Variants in ACSL4 observed in about 807,000 individuals in gnomAD.
ACSL4 encodes the protein long-chain-fatty-acid--CoA ligase 4.
ACSL4 carries 9 observed loss-of-function variants against 49.1 expected under a neutral mutation model. The ratio of observed to expected loss-of-function variants is 0.18; its 90% confidence interval spans 0.11 to 0.32. ACSL4 has a LOEUF of 0.32. Among genes scored for constraint, ACSL4 ranks in the 10% least tolerant of loss-of-function variants. ACSL4 has a pLI of 1.00. For missense variants in ACSL4, 333 were observed against 493.7 expected, an observed-to-expected ratio of 0.67 and a Z score of 3.08; for synonymous variants, 191 against 170.3, an observed-to-expected ratio of 1.12 and a Z score of -0.95.
At position 109,674,437 on chromosome X, in the gene ACSL4, T is replaced by C; in HGVS notation, c.967A>G (p.Thr323Ala). ...GCCATAAGTGTGGGCTTCAGTACAGTACAGTCTCCTTTGCTTCCTTTTTTA... is the reference window on the plus strand; with the variant it reads ...GCCATAAGTGTGGGCTTCAGTACAGCACAGTCTCCTTTGCTTCCTTTTTTA... ...KIKKGSKGDC[T>A]VLKPTLMAAV... The change falls in exon 9 of 16, where the codon ACT (threonine) becomes GCT (alanine). Residue 323 changes from threonine (T) to alanine (A), a missense_variant. Physicochemically the swap from Thr to Ala is moderately conservative, Grantham distance 58. Around this residue, in one of 3 missense-constraint regions of ACSL4, gnomAD observed 175 missense variants for 275.8 expected, o/e 0.63. Transcript: ENST00000672401. 8.3e-7 allele frequency: 1 copy of C among 1,208,410 alleles called. No individual in the cohort carries two copies. The highest frequency in any genetic ancestry group is 1.7e-5 in the African/African-American group (1 of 57,858).
At chrX:109,714,853 T>TG (rs1217998815) in intron 1 of ACSL4, among the ~76,000 whole-genome samples, 2 of 112,241 alleles carry the variant, frequency 1.8e-5, no homozygotes. Context: ...TCTCAGAACA[T>TG]GTCCCTGTCA....
intron 1 of ACSL4, among the ~76,000 whole-genome samples, chrX:109,719,707 C>T (rs1011634242): frequency 3.0e-4 from 34 of 112,208 alleles, no homozygotes; most frequent in African/African-American, 9.7e-4. Context: ...TACTTTCCGC[C>T]GGGCGTGGTG....
intron 3 of ACSL4, 53 bp downstream of exon 3, chrX:109,683,083 A>AC: frequency 8.7e-7 from 1 of 1,153,658 alleles, no homozygotes; most frequent in Non-Finnish European, 1.2e-6. Context: ...TTATGATAAA[A>AC]CAAATGTGTC....
chrX:109,645,810 T>A (rs774589082), intron 15 of ACSL4, among the ~76,000 whole-genome samples: 6 of 111,456 alleles, frequency 5.4e-5, no homozygotes, highest in African/African-American at 2.0e-4. Context: ...GAATAACCAA[T>A]ACAGAGAAGT....
intron 1 of ACSL4, among the ~76,000 whole-genome samples, chrX:109,708,456 G>T (rs775367494): frequency 8.9e-6 from 1 of 112,204 alleles, no homozygotes. Flanking sequence ...ACTGTAAAAG[G>T]AGCTAAAAGT....
chrX:109,673,888 T>A (rs185592180), intron 9 of ACSL4, among the ~76,000 whole-genome samples: 3 of 111,578 alleles, frequency 2.7e-5, no homozygotes, highest in Non-Finnish European at 5.6e-5. Flanking sequence ...TCTTTTTTTT[T>A]TAAGGCAGTA....
chrX:109,644,033 T>C lies in ACSL4; in HGVS notation c.2009A>G (p.Lys670Arg). 1 of 1,211,530 alleles carries C rather than the reference T, an allele frequency of 8.3e-7. No individual in the cohort carries two copies. The highest frequency in any genetic ancestry group is 3.0e-5 in the East Asian group (1 of 33,843). ...LKDIERMYGG[K>R] ...TGTCAATAAGACAACAACATTTTATTTGCCCCCATACATTCGTTCAATGTC... is the reference window on the plus strand; with the variant it reads ...TGTCAATAAGACAACAACATTTTATCTGCCCCCATACATTCGTTCAATGTC... Residue 670 changes from lysine (K) to arginine (R), a missense_variant, in exon 16 of 16, where the codon AAA becomes AGA. By Grantham distance (26) the Lys-to-Arg change is conservative. Transcript: ENST00000672401.
At chrX:109,681,545 TG>T (rs765260403) in intron 4 of ACSL4, among the ~76,000 whole-genome samples, 170 bp from the exon 5 acceptor site, 41 of 112,216 alleles carry the variant, frequency 3.7e-4, no homozygotes, top group Middle Eastern at 9.2e-3. Flanking sequence ...TCAAACTCCC[TG>T]GGAGCCCAAA....
intron 2 of ACSL4, among the ~76,000 whole-genome samples, chrX:109,685,110 T>TTTGG: frequency 9.9e-6 from 1 of 100,619 alleles, no homozygotes; most frequent in East Asian, 3.1e-4. Context: ...TTTTTTTTTT[T>TTTGG]GAGACAAGGT....
At chrX:109,726,478 G>T (rs1928003682) in intron 1 of ACSL4, among the ~76,000 whole-genome samples, 1 of 111,659 alleles carries the variant, frequency 9.0e-6, no homozygotes, top group Non-Finnish European at 1.9e-5. Context: ...AACATATACA[G>T]GTTTAGTAGT....
chrX:109,711,398 A>G (rs950066337), intron 1 of ACSL4, among the ~76,000 whole-genome samples: 2 of 112,052 alleles, frequency 1.8e-5, no homozygotes, highest in African/African-American at 6.5e-5. Flanking sequence ...CAGCCAGATG[A>G]CCTGGGTTCA....
chrX:109,703,118 G>A (rs1926091920), intron 1 of ACSL4, among the ~76,000 whole-genome samples: 1 of 111,775 alleles, frequency 8.9e-6, no homozygotes, highest in South Asian at 3.7e-4. Context: ...TTACTTCATT[G>A]CAAAGGGGAA....
At chrX:109,655,338 AG>A (rs1460913031) in intron 15 of ACSL4, among the ~76,000 whole-genome samples, 4 of 111,534 alleles carry the variant, frequency 3.6e-5, no homozygotes, top group Non-Finnish European at 7.5e-5. Flanking sequence ...AAAGAGCAAC[AG>A]GGTGCTATTA....
intron 1 of ACSL4, among the ~76,000 whole-genome samples, chrX:109,722,766 G>A (rs1165647298): frequency 1.8e-5 from 2 of 109,732 alleles, no homozygotes; most frequent in Non-Finnish European, 3.8e-5. Context: ...ATGGCACGAT[G>A]TTGGCCTTTT....
intron 8 of ACSL4, 43 bp from the exon 9 acceptor site, chrX:109,674,516 T>A: frequency 1.0e-6 from 1 of 958,585 alleles, no homozygotes; most frequent in Non-Finnish European, 1.5e-6. Context: ...AAACCAACCT[T>A]AAAACATGTT....
At chrX:109,699,332 AGAGT>A (rs1466912070) in intron 1 of ACSL4, among the ~76,000 whole-genome samples, 3 of 112,498 alleles carry the variant, frequency 2.7e-5, no homozygotes, top group African/African-American at 9.7e-5. Context: ...CCTGGGTGAT[AGAGT>A]GAGACTCGGT....
In ACSL4 at chrX:109,682,812, C is replaced by T. The variant is rs1333849184; in HGVS notation, c.313G>A (p.Gly105Arg). 4.1e-6 allele frequency: 5 copies of T among 1,211,426 alleles called. No individual in the cohort carries two copies. The highest frequency in any genetic ancestry group is 5.6e-6 in the Non-Finnish European group (5 of 895,167). ...NNFGSGLTAL[G>R]LKPKNTIAIF... Reference sequence around the variant, plus strand: ...GCAATGGTGTTCTTTGGTTTTAGTCCCAGTGCAGTGAGTCCACTACCAAAG... The same window carrying T: ...GCAATGGTGTTCTTTGGTTTTAGTCTCAGTGCAGTGAGTCCACTACCAAAG... The change falls in exon 4 of 16, where the codon GGA (glycine) becomes AGA (arginine). Residue 105 changes from glycine (G) to arginine (R), a missense_variant. Physicochemically the swap from Gly to Arg is moderately radical, Grantham distance 125 (BLOSUM62 -2). Coordinates refer to ENST00000672401, the MANE Select transcript of ACSL4 (RefSeq NM_001318510.2).
chrX:109,682,075 T>A (rs746391282), intron 4 of ACSL4, among the ~76,000 whole-genome samples: 1 of 112,167 alleles, frequency 8.9e-6, no homozygotes, highest in African/African-American at 3.2e-5. Context: ...AAGTGGGTAA[T>A]GGGTACATAG....
intron 9 of ACSL4, among the ~76,000 whole-genome samples, chrX:109,673,241 A>G (rs1923416560): frequency 8.9e-6 from 1 of 111,854 alleles, no homozygotes; most frequent in African/African-American, 3.3e-5. Flanking sequence ...GTGGTTAAGA[A>G]GACTGATAGA....
Sources: gnomAD v4.1 joint callset for allele counts (sites outside exome capture counted in the v4.1 genomes callset) on GRCh38, gnomAD v4.1.1 for gene constraint, gnomAD v4.1.1 regional missense constraint, MANE v1.5 for transcripts, NCBI Gene and HGNC (gene_info 2026-07-23, HGNC 2026-07-21) for gene names.